UBE2G1: variants seen among roughly 807,000 people sequenced by gnomAD.
UBE2G1 encodes ubiquitin conjugating enzyme E2 G1.
In UBE2G1, 5 loss-of-function variants were observed where a neutral mutation model predicts 22.7. The observed-to-expected ratio is 0.22, with a 90% CI of 0.12 to 0.46. The LOEUF (loss-of-function observed/expected upper bound fraction) is 0.46, where lower values mean the gene tolerates loss of function less well. Among genes scored for constraint, UBE2G1 ranks in the 20% least tolerant of loss-of-function variants. The pLI is 0.99. For synonymous variants in UBE2G1, 74 were observed against 67.5 expected, an observed-to-expected ratio of 1.10 and a Z score of -0.47; for missense variants, 88 against 203.9, an observed-to-expected ratio of 0.43 and a Z score of 3.46.
intron 1 of UBE2G1, among the ~76,000 whole-genome samples, chr17:4,308,026 T>C (rs149610976): frequency 6.6e-6 from 1 of 152,234 alleles, no homozygotes; most frequent in African/African-American, 2.4e-5. Context: ...TTTAATGAGG[T>C]ATAACTGACA....
At chr17:4,357,492 T>G (rs1597267959) in intron 1 of UBE2G1, among the ~76,000 whole-genome samples, 1 of 25,744 alleles carries the variant, frequency 3.9e-5, no homozygotes, top group African/African-American at 1.3e-4. Flanking sequence ...ATCACTCGGT[T>G]GTGTGTGTGT....
intron 1 of UBE2G1, among the ~76,000 whole-genome samples, chr17:4,345,231 T>C (rs182349492): frequency 6.6e-6 from 1 of 152,306 alleles, no homozygotes; most frequent in African/African-American, 2.4e-5. Flanking sequence ...TATTACTTTG[T>C]TTGAGGGGAA....
intron 1 of UBE2G1, among the ~76,000 whole-genome samples, chr17:4,314,393 A>G (rs1210250581): frequency 1.3e-5 from 2 of 152,242 alleles, no homozygotes; most frequent in African/African-American, 4.8e-5. Context: ...GAATGCTTGA[A>G]ATATGCAAGT....
chr17:4,363,445 G>GCA, intron 1 of UBE2G1, among the ~76,000 whole-genome samples: 1 of 152,026 alleles, frequency 6.6e-6, no homozygotes, highest in Non-Finnish European at 1.5e-5. Context: ...CATTAAGAAA[G>GCA]AGCTTTGGGA....
chr17:4,345,116 T>C (rs1308759691), intron 1 of UBE2G1, among the ~76,000 whole-genome samples: 1 of 152,056 alleles, frequency 6.6e-6, no homozygotes, highest in South Asian at 2.1e-4. Context: ...ACAAGCAGAG[T>C]GACAGCACCA....
At chr17:4,276,370 G>T (rs1968821778) in intron 5 of UBE2G1, among the ~76,000 whole-genome samples, 2 of 151,954 alleles carry the variant, frequency 1.3e-5, no homozygotes, top group African/African-American at 4.8e-5. Context: ...AGTAGGAAGC[G>T]GTTTTGCCAT....
intron 1 of UBE2G1, among the ~76,000 whole-genome samples, chr17:4,316,649 T>C (rs1053994491): frequency 6.6e-6 from 1 of 152,202 alleles, no homozygotes; most frequent in African/African-American, 2.4e-5. Flanking sequence ...AATTTTTTAT[T>C]TGTACCACGA....
rs376429553 is a variant in UBE2G1 at position 4,315,714 on chromosome 17, T to C, written c.47-8591A>G. On this transcript the variant is annotated intron_variant, in intron 1 of 5. Coordinates refer to ENST00000396981, the MANE Select transcript of UBE2G1 (RefSeq NM_003342.5). The stretch of plus-strand genomic sequence containing the variant: ...GAGATCGCGCCACTGCACTCCAGCC[T>C]GGGCGAAAGAGCGAGACTCCATCTC... Among the ~76,000 whole-genome samples the C allele has an allele frequency of 8.7e-4, 128 of 146,466 alleles. 1 individual carries two copies. The highest frequency in any genetic ancestry group is 3.1e-3 in the African/African-American group (120 of 39,334).
intron 1 of UBE2G1, among the ~76,000 whole-genome samples, chr17:4,359,210 A>G (rs1198956687): frequency 1.3e-5 from 2 of 152,216 alleles, no homozygotes; most frequent in Non-Finnish European, 2.9e-5. Flanking sequence ...AACTTACTTA[A>G]AAGCAGTCTT....
intron 1 of UBE2G1, among the ~76,000 whole-genome samples, chr17:4,343,931 T>C (rs1969739948): frequency 6.6e-6 from 1 of 152,088 alleles, no homozygotes; most frequent in African/African-American, 2.4e-5. Flanking sequence ...TACTGGTAGA[T>C]TTCTCCTCAG....
chr17:4,362,842 A>G (rs1969984609), intron 1 of UBE2G1, among the ~76,000 whole-genome samples: 1 of 152,070 alleles, frequency 6.6e-6, no homozygotes, highest in Non-Finnish European at 1.5e-5. Context: ...AGTCTGGGTG[A>G]AAGGTGGTGG....
chr17:4,294,857 C>G (rs1969089842), intron 3 of UBE2G1, among the ~76,000 whole-genome samples: 1 of 151,972 alleles, frequency 6.6e-6, no homozygotes, highest in South Asian at 2.1e-4. Flanking sequence ...GAGCTGTGAT[C>G]ATGCCATTGC....
At chr17:4,334,591 T>G (rs899168029) in intron 1 of UBE2G1, among the ~76,000 whole-genome samples, 2 of 152,110 alleles carry the variant, frequency 1.3e-5, no homozygotes, top group Non-Finnish European at 2.9e-5. Context: ...CAAGCTGGAG[T>G]GCAGTGGCAC....
chr17:4,343,843 T>C (rs935651397), intron 1 of UBE2G1, among the ~76,000 whole-genome samples: 3 of 152,034 alleles, frequency 2.0e-5, no homozygotes, highest in Non-Finnish European at 4.4e-5. Flanking sequence ...CGCCTCATTC[T>C]CCCAAAGTGC....
At chr17:4,294,430 AAAAAAAAAAAGAAAGAAAC>A (rs1567516856) in intron 3 of UBE2G1, among the ~76,000 whole-genome samples, 2 of 20,674 alleles carry the variant, frequency 9.7e-5, no homozygotes, top group Non-Finnish European at 8.4e-4. Flanking sequence ...AAAAAAAAAA[AAAAAAAAAAAGAAAGAAAC>A]GAAAAGAAAA....
At chr17:4,284,772 T>C (rs1305425133) in intron 4 of UBE2G1, among the ~76,000 whole-genome samples, 1 of 151,460 alleles carries the variant, frequency 6.6e-6, no homozygotes, top group Non-Finnish European at 1.5e-5. Flanking sequence ...GTGACATAAA[T>C]ACCATTTGTT....
At chr17:4,359,879 A>C (rs1451156564) in intron 1 of UBE2G1, among the ~76,000 whole-genome samples, 1 of 151,944 alleles carries the variant, frequency 6.6e-6, no homozygotes, top group Non-Finnish European at 1.5e-5. Context: ...AAACAAAAAA[A>C]AACTGCTGAT....
At chr17:4,328,852 C>A (rs544283948) in intron 1 of UBE2G1, among the ~76,000 whole-genome samples, 6 of 152,036 alleles carry the variant, frequency 3.9e-5, no homozygotes, top group Middle Eastern at 3.2e-3. Flanking sequence ...TTTGGGAGGC[C>A]GGGGCGGGCA....
At chr17:4,362,117 T>C (rs777855869) in intron 1 of UBE2G1, among the ~76,000 whole-genome samples, 1 of 152,206 alleles carries the variant, frequency 6.6e-6, no homozygotes, top group Non-Finnish European at 1.5e-5. Flanking sequence ...GTTTTAAAAG[T>C]ATCTCCTGTG....
Sources: gnomAD v4.1 joint callset for allele counts (sites outside exome capture counted in the v4.1 genomes callset) on GRCh38, gnomAD v4.1.1 for gene constraint, MANE v1.5 for transcripts, NCBI Gene and HGNC (gene_info 2026-07-23, HGNC 2026-07-21) for gene names.